Variants in IL9R observed in about 807,000 individuals in gnomAD.
IL9R encodes interleukin 9 receptor.
IL9R carries 54 observed loss-of-function variants against 56.3 expected under a neutral mutation model. The ratio of observed to expected loss-of-function variants is 0.96; its 90% CI spans 0.77 to 1.20. The LOEUF (loss-of-function observed/expected upper bound fraction) is 1.20. IL9R is among the 50% of genes most tolerant of loss of function. The pLI, the probability that IL9R is intolerant of heterozygous loss-of-function variation, is 0.00. For synonymous variants in IL9R, 212 were observed against 250.2 expected, an observed-to-expected ratio of 0.85 and a Z score of 1.44; for missense variants, 545 against 629.8, an observed-to-expected ratio of 0.87 and a Z score of 1.44.
At chrX:156,001,461 C>A in intron 1 of IL9R, 1 of 1,610,308 alleles carries the variant, frequency 6.2e-7, no homozygotes, top group Non-Finnish European at 8.5e-7. Flanking sequence ...CACGGTGTTT[C>A]ATGCTGTGGC....
intron 1 of IL9R, among the ~76,000 whole-genome samples, chrX:155,998,229 A>G (rs1006220672): frequency 5.3e-5 from 8 of 151,952 alleles, no homozygotes; most frequent in African/African-American, 1.9e-4. Flanking sequence ...ACCCCGAGGC[A>G]TTTGGGTGTT....
intron 7 of IL9R, among the ~76,000 whole-genome samples, chrX:156,007,266 C>T (rs907883629): frequency 2.1e-5 from 3 of 142,524 alleles, no homozygotes; most frequent in Non-Finnish European, 4.6e-5. Context: ...AGTAACTCCC[C>T]GTTCTGAACC....
chrX:156,001,185 A>G, intron 1 of IL9R: 2 of 600,758 alleles, frequency 3.3e-6, no homozygotes, highest in South Asian at 3.9e-5. Context: ...CCTGCTCTCA[A>G]GCCGTCTGCT....
intron 1 of IL9R, among the ~76,000 whole-genome samples, chrX:155,998,272 T>G (rs1487321567): frequency 1.3e-5 from 2 of 151,926 alleles, no homozygotes; most frequent in East Asian, 3.9e-4. Context: ...AGGATGGGTA[T>G]GCCCCACTGG....
rs1476498560 is a variant in IL9R at position 156,003,750 on chromosome X, G to T, written c.328G>T (p.Ala110Ser). ...SECTVVLPPEAVLVPSDNFTI... is the reference protein window; with the variant it reads ...SECTVVLPPESVLVPSDNFTI... ...GTGCACCGTCGTGCTGCCACCTGAG[G>T]CAGTGCTCGTGCCATCTGACAATTT... is the stretch of plus-strand genomic sequence containing the variant. Residue 110 changes from alanine (A) to serine (S), a missense_variant, in exon 4 of 9, where the codon GCA (alanine) becomes TCA (serine). Around this residue, in one of 2 missense-constraint regions of IL9R, gnomAD observed 431 missense variants for 360.0 expected, o/e 1.20. Transcript: ENST00000244174. The T allele has an allele frequency of 3.3e-5, 53 of 1,613,876 alleles. No individual in the cohort carries two copies. The highest frequency in any genetic ancestry group is 4.3e-5 in the Non-Finnish European group (51 of 1,179,872).
chrX:156,005,246 TCAC>T (rs758440607), intron 5 of IL9R, 29 bp from the exon 6 acceptor site: 1 of 1,601,706 alleles, frequency 6.2e-7, no homozygotes, highest in Non-Finnish European at 8.5e-7. Flanking sequence ...AGCCCCACCT[TCAC>T]CACCTGCTAA....
At position 156,010,469 on chromosome X, in the gene IL9R, G is replaced by A. The variant is rs2068421104; in HGVS notation, c.*60G>A. 2.4e-6 allele frequency: 1 copy of A among 417,348 alleles called. No individual in the cohort carries two copies. Among genetic ancestry groups the A allele is most frequent in the Non-Finnish European group, 3.8e-6 (1 of 263,120 alleles). The allele number at this position is 417,348 out of a possible 1,614,324, so 25.9% of individuals were successfully genotyped here. On this transcript the variant is annotated 3_prime_UTR_variant, in exon 9 of 9. Transcript: ENST00000244174. Reference sequence around the variant, plus strand: ...GGGAAAATGGACTGAAGTTTCTGGAGCCCTTGTCTGAGACTGAACCTCCTG... The same window carrying A: ...GGGAAAATGGACTGAAGTTTCTGGAACCCTTGTCTGAGACTGAACCTCCTG...
chrX:156,009,083 T>TTGTG (rs879040215), intron 8 of IL9R, among the ~76,000 whole-genome samples: 1 of 124,200 alleles, frequency 8.1e-6, no homozygotes, highest in Non-Finnish European at 1.8e-5. Flanking sequence ...CTGTGTGTGT[T>TTGTG]TGTGTGTGTG....
chrX:155,998,751 G>A (rs1603096264), intron 1 of IL9R, among the ~76,000 whole-genome samples: 1 of 151,976 alleles, frequency 6.6e-6, no homozygotes, highest in African/African-American at 2.4e-5. Flanking sequence ...TCAAACGGTT[G>A]AGTTGGGTGC....
At chrX:155,997,966 T>G (rs886553282) in intron 1 of IL9R, among the ~76,000 whole-genome samples, 179 bp downstream of exon 1, 1 of 152,110 alleles carries the variant, frequency 6.6e-6, no homozygotes, top group Non-Finnish European at 1.5e-5. Flanking sequence ...ATGGCAAAAT[T>G]TGCAGCCCTG....
rs748368757 is a variant in IL9R at position 156,007,085 on chromosome X, CT to C, written c.888-437del. On this transcript the variant is annotated intron_variant, in intron 7 of 8. Transcript: ENST00000244174. ...GGAGGTTGGTGAAGTCTATTTGGAC[CT>C]GTTGGGTTGGAGCCCCAGGTGACAT... is the stretch of plus-strand genomic sequence containing the variant. Among the ~76,000 whole-genome samples the C allele has an allele frequency of 1.3e-4, 20 of 151,800 alleles. No homozygotes were observed. In the South Asian group the frequency reaches 2.1e-3, roughly 16 times the overall value.
chrX:156,009,829 C>T lies in IL9R; in HGVS notation c.986C>T (p.Ala329Val), dbSNP rs2068370417. 7.0e-7 allele frequency: 1 copy of T among 1,427,102 alleles called. No individual in the cohort carries two copies. The highest frequency in any genetic ancestry group is 9.2e-7 in the Non-Finnish European group (1 of 1,089,310). 88.4% of individuals were successfully genotyped at this position (1,427,102 alleles called of 1,614,324 possible). A position where few individuals can be genotyped will look rare whatever the true frequency, so the allele number is the denominator to read the frequency against. Reference protein sequence around the residue: ...HNGNFQTWMGAHGAGVLLSQD... With the variant: ...HNGNFQTWMGVHGAGVLLSQD... ...GCTCTGTTCCAGACTTGGATGGGGGCCCACGGGGCCGGTGTGCTGTTGAGC... is the reference window on the plus strand; with the variant it reads ...GCTCTGTTCCAGACTTGGATGGGGGTCCACGGGGCCGGTGTGCTGTTGAGC... The change falls in exon 9 of 9, where the codon GCC becomes GTC. Residue 329 changes from alanine to valine, a missense_variant. Physicochemically the swap from Ala to Val is moderately conservative, Grantham distance 64. Coordinates refer to ENST00000244174, the MANE Select transcript of IL9R (RefSeq NM_002186.3).
chrX:156,003,936 C>G, intron 4 of IL9R, 81 bp downstream of exon 4: 1 of 1,442,626 alleles, frequency 6.9e-7, no homozygotes, highest in Non-Finnish European at 9.6e-7. Context: ...CAGGGCCTTG[C>G]AGCCTGTGAG....
Position 156,005,463 on chromosome X carries a change from G to A in IL9R, c.765G>A (p.Gln255=). 1 of 1,612,910 alleles carries A rather than the reference G, an allele frequency of 6.2e-7. No individual in the cohort carries two copies. The highest frequency in any genetic ancestry group is 8.5e-7 in the Non-Finnish European group (1 of 1,179,774). The stretch of plus-strand genomic sequence containing the variant: ...AGTGGAGCCAGCCTGTGTGCTTCCA[G>A]GCTCCCCAGAGACAAGGTGGGCACT... The part of the protein sequence containing the change: ...WSEWSQPVCF[Q]APQRQGPLIP... Residue 255 remains glutamine, a synonymous_variant, in exon 6 of 9, where the codon CAG becomes CAA. Coordinates refer to ENST00000244174, the MANE Select transcript of IL9R (RefSeq NM_002186.3).
In IL9R at chrX:156,005,562, T is replaced by G. The variant is rs972855064; in HGVS notation, c.781+83T>G. On this transcript the variant is annotated intron_variant, in intron 6 of 8. Coordinates refer to ENST00000244174, the MANE Select transcript of IL9R (RefSeq NM_002186.3). ...CCTGTTCACCTCAGCCCTGCACCCT[T>G]TCACCCTCCTGTAAGCCCCTCCCCG... is the stretch of plus-strand genomic sequence containing the variant. 16 of 1,181,468 alleles carry G rather than the reference T, an allele frequency of 1.4e-5. No homozygotes were observed. The East Asian group carries it at 3.3e-4, about 25-fold the overall frequency. The allele number at this position is 1,181,468 out of a possible 1,614,324, so 73.2% of individuals were successfully genotyped here.
At chrX:155,999,626 C>A (rs2067377000) in intron 1 of IL9R, among the ~76,000 whole-genome samples, 1 of 152,146 alleles carries the variant, frequency 6.6e-6, no homozygotes, top group South Asian at 2.1e-4. Context: ...CTGGCCCCTG[C>A]TCCCATTTCC....
chrX:155,999,957 G>C (rs3093472), intron 1 of IL9R, among the ~76,000 whole-genome samples: 64,220 of 151,334 alleles, frequency 0.42, 14,520 homozygotes, highest in East Asian at 0.63. Flanking sequence ...GAAACCCTGT[G>C]TCTACTAAAA....
At chrX:156,004,859 CAT>C (rs1012905360) in intron 5 of IL9R, among the ~76,000 whole-genome samples, 26 of 151,524 alleles carry the variant, frequency 1.7e-4, no homozygotes, top group Non-Finnish European at 3.4e-4. Flanking sequence ...TTTGTGTGCC[CAT>C]GTTTGTGTGT....
At chrX:156,001,341 G>T (rs2067508186) in intron 1 of IL9R, 2 of 1,057,894 alleles carry the variant, frequency 1.9e-6, no homozygotes. Flanking sequence ...TCCTGGTGGT[G>T]ACTCCAACCC....
Sources: gnomAD v4.1 joint callset for allele counts (sites outside exome capture counted in the v4.1 genomes callset) on GRCh38, gnomAD v4.1.1 for gene constraint, gnomAD v4.1.1 regional missense constraint, MANE v1.5 for transcripts, NCBI Gene and HGNC (gene_info 2026-07-23, HGNC 2026-07-21) for gene names.